COX7B2: variants seen among roughly 807,000 people sequenced by gnomAD.
The protein encoded by COX7B2 is cytochrome c oxidase subunit 7B2, mitochondrial.
For missense variants in COX7B2, 109 were observed against 95.9 expected (o/e 1.14, Z -0.57); for synonymous variants, 37 against 32.1 (o/e 1.15, Z -0.51).
intron 2 of COX7B2, among the ~76,000 whole-genome samples, chr4:46,792,605 C>G (rs1718110809): frequency 6.6e-6 from 1 of 152,184 alleles, no homozygotes; most frequent in African/African-American, 2.4e-5. Flanking sequence ...TCAGCCTGGA[C>G]TTTACACCAC....
chr4:46,809,218 C>A (rs1719161793), intron 2 of COX7B2, among the ~76,000 whole-genome samples: 1 of 151,702 alleles, frequency 6.6e-6, no homozygotes, highest in East Asian at 1.9e-4. Context: ...GATTAGACAA[C>A]TCTTTTTTCT....
chr4:46,737,266 G>A (rs562139798), intron 2 of COX7B2, among the ~76,000 whole-genome samples: 14 of 151,992 alleles, frequency 9.2e-5, no homozygotes, highest in South Asian at 2.1e-4. Flanking sequence ...CAGGCCTTTC[G>A]CTTATTTTAA....
intron 2 of COX7B2, among the ~76,000 whole-genome samples, chr4:46,774,229 A>C (rs1233420161): frequency 1.3e-5 from 2 of 152,108 alleles, no homozygotes; most frequent in African/African-American, 2.4e-5. Flanking sequence ...AACAAACAAA[A>C]AACTAAATTC....
intron 1 of COX7B2, among the ~76,000 whole-genome samples, chr4:46,890,737 A>G (rs990519415): frequency 6.6e-6 from 1 of 152,214 alleles, no homozygotes; most frequent in East Asian, 1.9e-4. Flanking sequence ...GTGTTCTTAA[A>G]GTATTGAGTA....
intron 1 of COX7B2, among the ~76,000 whole-genome samples, chr4:46,903,122 T>G (rs1720167884): frequency 1.3e-5 from 2 of 152,120 alleles, no homozygotes; most frequent in Non-Finnish European, 2.9e-5. Flanking sequence ...AAGAATAAAT[T>G]TAAGTCCAAA....
chr4:46,795,575 C>T (rs1234612521), intron 2 of COX7B2, among the ~76,000 whole-genome samples: 1 of 139,638 alleles, frequency 7.2e-6, no homozygotes, highest in Non-Finnish European at 1.5e-5. Context: ...GTTTTTGTAC[C>T]AGTACCATGC....
At chr4:46,800,257 G>GA (rs76337512) in intron 2 of COX7B2, among the ~76,000 whole-genome samples, 3 of 151,450 alleles carry the variant, frequency 2.0e-5, no homozygotes, top group African/African-American at 7.3e-5. Context: ...CACAGAATTA[G>GA]AAAAAAACTA....
intron 2 of COX7B2, among the ~76,000 whole-genome samples, chr4:46,793,436 T>A (rs1241991139): frequency 1.3e-5 from 2 of 152,196 alleles, no homozygotes; most frequent in Non-Finnish European, 2.9e-5. Flanking sequence ...CGGTTTTTTA[T>A]TAAGGTGAAC....
Position 46,734,846 on chromosome 4 carries a change from C to A in COX7B2, c.*101G>T. The A allele has an allele frequency of 1.5e-6, 2 of 1,371,702 alleles. No individual in the cohort carries two copies. Among genetic ancestry groups the A allele is most frequent in the East Asian group, 2.4e-5 (1 of 41,588 alleles). The allele number at this position is 1,371,702 out of a possible 1,614,324, so 85.0% of individuals were successfully genotyped here. On this transcript the variant is annotated 3_prime_UTR_variant, in exon 3 of 3. Coordinates refer to ENST00000355591, the MANE Select transcript of COX7B2 (RefSeq NM_130902.3). ...AATGACTTTTTAAAGATTTAAAACA[C>A]ATTTTATTTTTTCAATTGTGCTATA... is the stretch of plus-strand genomic sequence containing the variant.
intron 2 of COX7B2, among the ~76,000 whole-genome samples, chr4:46,765,609 T>G (rs1716486068): frequency 6.6e-6 from 1 of 151,930 alleles, no homozygotes; most frequent in East Asian, 1.9e-4. Flanking sequence ...TGACCCCAGG[T>G]TCCAGACTGG....
chr4:46,804,633 G>C (rs536030111), intron 2 of COX7B2, among the ~76,000 whole-genome samples: 2 of 152,344 alleles, frequency 1.3e-5, no homozygotes, highest in Admixed American at 1.3e-4. Context: ...CCCTGAGCTA[G>C]ACACAGGGTG....
chr4:46,902,332 A>T (rs896044113), intron 1 of COX7B2, among the ~76,000 whole-genome samples: 2 of 152,350 alleles, frequency 1.3e-5, no homozygotes, highest in East Asian at 3.9e-4. Flanking sequence ...CAAACATGTT[A>T]TAACAGTGGA....
intron 2 of COX7B2, among the ~76,000 whole-genome samples, chr4:46,837,642 A>G (rs1227978211): frequency 6.6e-6 from 1 of 152,062 alleles, no homozygotes; most frequent in East Asian, 1.9e-4. Context: ...TGAATTGTAC[A>G]CTTAAAAATG....
intron 2 of COX7B2, among the ~76,000 whole-genome samples, chr4:46,772,143 A>C (rs1716911745): frequency 1.3e-5 from 2 of 152,178 alleles, no homozygotes; most frequent in Admixed American, 1.3e-4. Context: ...ATTCATGGCA[A>C]TATGGATGAA....
chr4:46,822,654 C>A (rs1397371329), intron 2 of COX7B2, among the ~76,000 whole-genome samples: 5 of 152,038 alleles, frequency 3.3e-5, no homozygotes, highest in Admixed American at 3.3e-4. Flanking sequence ...GATGTTTTCA[C>A]AATTCTATCA....
chr4:46,862,773 A>G (rs906927686), intron 1 of COX7B2, among the ~76,000 whole-genome samples: 4 of 152,204 alleles, frequency 2.6e-5, no homozygotes, highest in Admixed American at 2.0e-4. Flanking sequence ...ACTTTGAATG[A>G]TGACTAGATT....
At chr4:46,735,336 C>T in intron 2 of COX7B2, 95 bp from the exon 3 acceptor site, 1 of 882,264 alleles carries the variant, frequency 1.1e-6, no homozygotes, top group Non-Finnish European at 1.7e-6. Context: ...GAGTGGTGTT[C>T]AGGAATGTGA....
intron 2 of COX7B2, among the ~76,000 whole-genome samples, chr4:46,792,339 G>A (rs1168229292): frequency 6.6e-6 from 1 of 152,146 alleles, no homozygotes; most frequent in Non-Finnish European, 1.5e-5. Flanking sequence ...TTTTACTTCT[G>A]GGTTTGTTTA....
intron 2 of COX7B2, among the ~76,000 whole-genome samples, chr4:46,842,520 T>G (rs1715998769): frequency 6.6e-6 from 1 of 152,032 alleles, no homozygotes; most frequent in Non-Finnish European, 1.5e-5. Context: ...CATTTAACAT[T>G]AGGTATATCT....
Sources: allele counts gnomAD v4.1 joint callset (sites outside exome capture counted in the v4.1 genomes callset), GRCh38; gene constraint gnomAD v4.1.1; transcripts MANE v1.5; gene names NCBI Gene and HGNC (gene_info 2026-07-23, HGNC 2026-07-21).